WDSUB1: variants seen among roughly 807,000 people sequenced by gnomAD.
The protein encoded by WDSUB1 is WD repeat, SAM and U-box domain-containing protein 1.
Under a neutral mutation model 53.9 loss-of-function variants are expected in WDSUB1, and 49 were observed. The observed-to-expected ratio is 0.91, with a 90% CI of 0.72 to 1.15. The LOEUF (loss-of-function observed/expected upper bound fraction) is 1.15, where lower values mean the gene tolerates loss of function less well. Among genes scored for constraint, WDSUB1 ranks in the 50% most tolerant of loss-of-function variants. The pLI is 0.00. For missense variants in WDSUB1, 514 were observed against 562.0 expected (o/e 0.91, Z 0.86); for synonymous variants, 194 against 200.6 (o/e 0.97, Z 0.28).
intron 5 of WDSUB1, among the ~76,000 whole-genome samples, chr2:159,265,313 ACACACT>A (rs1394949886): frequency 6.6e-5 from 10 of 151,152 alleles, no homozygotes; most frequent in African/African-American, 9.7e-5. Context: ...ACACACACAC[ACACACT>A]CACTCTCTCT....
chr2:159,272,893 T>C (rs2061470701), intron 4 of WDSUB1, among the ~76,000 whole-genome samples: 1 of 152,150 alleles, frequency 6.6e-6, no homozygotes, highest in African/African-American at 2.4e-5. Flanking sequence ...TTTAAAAGTA[T>C]ACTGAGGGAA....
rs1160460349 is a variant in WDSUB1, at chr2:159,260,162, G to A, written c.771-319C>T. 3.9e-5 allele frequency among the ~76,000 whole-genome samples: 6 copies of A among 152,066 alleles called. No homozygotes were observed. In the South Asian group the frequency reaches 6.2e-4, roughly 16 times the overall value. On this transcript the variant is annotated intron_variant, in intron 5 of 10. Transcript: ENST00000359774. ...CTAAAAATACAGAAAAAAATTATCC[G>A]GGCATGGTGGCGTGCACCTGTAATC...
intron 5 of WDSUB1, among the ~76,000 whole-genome samples, chr2:159,266,203 T>G (rs548672031): frequency 6.6e-6 from 1 of 152,252 alleles, no homozygotes; most frequent in East Asian, 1.9e-4. Flanking sequence ...CTTACTTTTT[T>G]TTTGAGACAG....
intron 10 of WDSUB1, among the ~76,000 whole-genome samples, chr2:159,237,181 G>T (rs1473661284): frequency 1.3e-5 from 2 of 152,252 alleles, no homozygotes; most frequent in Non-Finnish European, 2.9e-5. Flanking sequence ...GACTAGAGTG[G>T]TCCCAAAATA....
chr2:159,236,714 C>G (rs941114766), intron 10 of WDSUB1, among the ~76,000 whole-genome samples: 3 of 152,188 alleles, frequency 2.0e-5, no homozygotes, highest in Admixed American at 6.5e-5. Context: ...CTGGCATACA[C>G]TGGCGAGATC....
chr2:159,250,088 C>CAAAAAAAAAAAAAAAAAA (rs374038625), intron 9 of WDSUB1, among the ~76,000 whole-genome samples: 2 of 83,526 alleles, frequency 2.4e-5, no homozygotes, highest in Non-Finnish European at 2.7e-5. Context: ...GACTCTGCCT[C>CAAAAAAAAAAAAAAAAAA]AAAAAAAAAA....
chr2:159,277,367 A>T (rs2061564712), intron 3 of WDSUB1, among the ~76,000 whole-genome samples: 1 of 152,224 alleles, frequency 6.6e-6, no homozygotes, highest in Non-Finnish European at 1.5e-5. Flanking sequence ...ATATTTCTGT[A>T]TTAGACCTAA....
At chr2:159,252,894 A>G (rs1164295483) in intron 9 of WDSUB1, among the ~76,000 whole-genome samples, 1 of 152,242 alleles carries the variant, frequency 6.6e-6, no homozygotes, top group African/African-American at 2.4e-5. Flanking sequence ...CTCGTTCCCA[A>G]TTAGGCATCT....
intron 5 of WDSUB1, among the ~76,000 whole-genome samples, chr2:159,270,749 C>G (rs906270447): frequency 6.6e-6 from 1 of 152,136 alleles, no homozygotes; most frequent in African/African-American, 2.4e-5. Flanking sequence ...CATAAAGAAG[C>G]TGACTACACT....
intron 9 of WDSUB1, among the ~76,000 whole-genome samples, chr2:159,254,675 T>C (rs1002110233): frequency 1.3e-5 from 2 of 152,240 alleles, no homozygotes; most frequent in Admixed American, 1.3e-4. Flanking sequence ...CTGAAATTAT[T>C]TCATATTGTG....
chr2:159,240,907 G>T (rs956976845), intron 10 of WDSUB1, among the ~76,000 whole-genome samples: 1 of 152,202 alleles, frequency 6.6e-6, no homozygotes, highest in African/African-American at 2.4e-5. Flanking sequence ...AAGACAACTG[G>T]TAGGCAGGTC....
intron 5 of WDSUB1, among the ~76,000 whole-genome samples, chr2:159,261,882 ATATATATATATATATTTTTTTTT>A (rs2061218976): frequency 5.0e-5 from 1 of 19,890 alleles, no homozygotes; most frequent in Non-Finnish European, 7.6e-5. Flanking sequence ...ATATATATAT[ATATATATATATATATTTTTTTTT>A]TTTTTTTTTT....
intron 9 of WDSUB1, among the ~76,000 whole-genome samples, chr2:159,255,422 G>C (rs964818066): frequency 6.6e-6 from 1 of 152,074 alleles, no homozygotes; most frequent in East Asian, 1.9e-4. Flanking sequence ...AACCGAGATC[G>C]CGCCACTGCA....
intron 9 of WDSUB1, among the ~76,000 whole-genome samples, chr2:159,255,007 G>A (rs903739087): frequency 6.6e-6 from 1 of 152,116 alleles, no homozygotes; most frequent in Admixed American, 6.5e-5. Context: ...GCATGTGCAT[G>A]TGGTCCCAAT....
At chr2:159,259,365 C>A (rs1404564458) in intron 6 of WDSUB1, among the ~76,000 whole-genome samples, 2 of 152,102 alleles carry the variant, frequency 1.3e-5, no homozygotes, top group African/African-American at 2.4e-5. Context: ...GTAAAAAACT[C>A]CCATTTTCCA....
intron 5 of WDSUB1, 107 bp downstream of exon 5, chr2:159,271,595 C>T: frequency 1.0e-6 from 1 of 961,786 alleles, no homozygotes; most frequent in Admixed American, 2.2e-5. Flanking sequence ...ATTTCTTGAC[C>T]TTTGTGGTGG....
rs140615037 is a variant in WDSUB1 at position 159,283,209 on chromosome 2, C to A, written c.-24-116G>T. 30 of 890,426 alleles carry A rather than the reference C, an allele frequency of 3.4e-5. No homozygotes were observed. In the African/African-American group the frequency reaches 4.9e-4, roughly 15 times the overall value. 55.2% of individuals were successfully genotyped at this position (890,426 alleles called of 1,614,324 possible). A position where few individuals can be genotyped will look rare whatever the true frequency, so the allele number is the denominator to read the frequency against. On this transcript the variant is annotated intron_variant, in intron 1 of 10. Transcript: ENST00000359774. Reference sequence around the variant, plus strand: ...TGCTCAATGAAAGCTTCTACATCAACATTTTAAAGCAGTGGTCCCCACCTT... The same window carrying A: ...TGCTCAATGAAAGCTTCTACATCAAAATTTTAAAGCAGTGGTCCCCACCTT...
chr2:159,259,104 A>G (rs576045005), intron 6 of WDSUB1, among the ~76,000 whole-genome samples: 1 of 150,918 alleles, frequency 6.6e-6, no homozygotes, highest in South Asian at 2.1e-4. Flanking sequence ...GCTCACTGCA[A>G]CCTCCACCTC....
chr2:159,250,698 T>C (rs1359489360), intron 9 of WDSUB1, among the ~76,000 whole-genome samples: 1 of 152,202 alleles, frequency 6.6e-6, no homozygotes, highest in Non-Finnish European at 1.5e-5. Flanking sequence ...TGATGGATCA[T>C]GTATTCTAAG....
Sources: gnomAD v4.1 joint callset for allele counts (sites outside exome capture counted in the v4.1 genomes callset) on GRCh38, gnomAD v4.1.1 for gene constraint, MANE v1.5 for transcripts, NCBI Gene and HGNC (gene_info 2026-07-23, HGNC 2026-07-21) for gene names.